Variants in MAN1B1 observed in about 807,000 individuals in gnomAD.
The protein encoded by MAN1B1 is endoplasmic reticulum mannosyl-oligosaccharide 1,2-alpha-mannosidase.
In MAN1B1, 66 loss-of-function variants were observed where a neutral mutation model predicts 75.5. The observed-to-expected ratio is 0.87, with a 90% CI of 0.72 to 1.07. MAN1B1 has a LOEUF of 1.07. Ranked by LOEUF, MAN1B1 falls within the 50% of genes least tolerant of loss-of-function variation. The probability of loss-of-function intolerance (pLI) is 0.00; values close to 1 mark genes in which losing one functional copy is unlikely to be tolerated. For synonymous variants in MAN1B1, 453 were observed against 382.8 expected (o/e 1.18, Z -2.14); for missense variants, 973 against 912.5 (o/e 1.07, Z -0.85).
At chr9:137,104,126 G>C in intron 8 of MAN1B1, 1 of 452,928 alleles carries the variant, frequency 2.2e-6, no homozygotes, top group Non-Finnish European at 4.5e-6. Flanking sequence ...ATCACACAGT[G>C]ACCCTTCATG....
chr9:137,105,448 T>C (rs1831060033), intron 8 of MAN1B1: 1 of 188,412 alleles, frequency 5.3e-6, no homozygotes, highest in Non-Finnish European at 1.1e-5. Context: ...GGCACCCCCA[T>C]GTCACCAGGG....
At position 137,107,652 on chromosome 9, in the gene MAN1B1, G is replaced by T; in HGVS notation, c.1886G>T (p.Arg629Leu). Residue 629 changes from arginine (R) to leucine (L), a missense_variant, in exon 12 of 13, where the codon CGA becomes CTA. Coordinates refer to ENST00000371589, the MANE Select transcript of MAN1B1 (RefSeq NM_016219.5). ...WGWEILQSFS[R>L]FTRVPSGGYS... The stretch of plus-strand genomic sequence containing the variant: ...TGGGAGATTCTGCAGAGCTTCAGCC[G>T]ATTCACACGGGTGAGCACCTGTCCT... The T allele has an allele frequency of 1.2e-6, 2 of 1,609,600 alleles. No individual in the cohort carries two copies. Among genetic ancestry groups the T allele is most frequent in the Non-Finnish European group, 1.7e-6 (2 of 1,179,942 alleles).
rs749052064 is a variant in MAN1B1 at position 137,101,502 on chromosome 9, C to T, written c.1084C>T (p.Leu362=). 6 of 1,613,770 alleles carry T rather than the reference C, an allele frequency of 3.7e-6. No individual in the cohort carries two copies. The highest frequency in any genetic ancestry group is 5.1e-6 in the Non-Finnish European group (6 of 1,180,042). The stretch of plus-strand genomic sequence containing the variant: ...ATACCAGGAGGATTTTGGAAATCGG[C>T]TAATGCCTGCCTTCAGAACACCATC... ...LRKAEDFGNR[L]MPAFRTPSKI... is the part of the protein sequence containing the mutation. Residue 362 remains leucine (L), a synonymous_variant, in exon 8 of 13, where the codon CTA becomes TTA. Coordinates refer to ENST00000371589, the MANE Select transcript of MAN1B1 (RefSeq NM_016219.5).
intron 8 of MAN1B1, chr9:137,104,845 G>A (rs2131117501): frequency 6.6e-6 from 1 of 151,874 alleles, no homozygotes; most frequent in South Asian, 2.1e-4. Context: ...TGTGAGTGTG[G>A]GTGCACACAC....
rs555486360 is a variant in MAN1B1 at position 137,106,916 on chromosome 9, G to T, written c.1566+107G>T. The T allele has an allele frequency of 4.0e-6, 6 of 1,482,370 alleles. No homozygotes were observed. In the Middle Eastern group the frequency reaches 8.1e-4, roughly 201 times the overall value. 91.8% of individuals were successfully genotyped at this position (1,482,370 alleles called of 1,614,324 possible). A position where few individuals can be genotyped will look rare whatever the true frequency, so the allele number is the denominator to read the frequency against. On this transcript the variant is annotated intron_variant, in intron 10 of 12. Coordinates refer to ENST00000371589, the MANE Select transcript of MAN1B1 (RefSeq NM_016219.5). ...ACGAAATCCTGGCCATGGCGCCCAC[G>T]TGGAGGCCCTGGGTGGACCGTGGCT...
Position 137,107,522 on chromosome 9 carries a change from C to T in MAN1B1, c.1765-9C>T, listed in dbSNP as rs977693376. On this transcript the variant is annotated splice_polypyrimidine_tract_variant and intron_variant, in intron 11 of 12. Coordinates refer to ENST00000371589, the MANE Select transcript of MAN1B1 (RefSeq NM_016219.5). ...GCTGGCCTTGCCCTGAGCTCTGCTC[C>T]GCCCACAGCCAGCAGACAGGCACAA... is the stretch of plus-strand genomic sequence containing the variant. The T allele has an allele frequency of 6.9e-5, 112 of 1,612,808 alleles. No homozygotes were observed. The highest frequency in any genetic ancestry group is 8.7e-5 in the Non-Finnish European group (103 of 1,179,974).
At chr9:137,092,043 G>C (rs1004284132) in intron 3 of MAN1B1, among the ~76,000 whole-genome samples, 1 of 152,188 alleles carries the variant, frequency 6.6e-6, no homozygotes. Flanking sequence ...CATTACCCCT[G>C]TTCCCAGTCC....
rs746999660 is a variant in MAN1B1, at chr9:137,107,418, C to A, written c.1735C>A (p.Gln579Lys). The change falls in exon 11 of 13, where the codon CAG becomes AAG. Residue 579 changes from glutamine to lysine, a missense_variant. Transcript: ENST00000371589. ...PEIVHFNLYP[Q>K]PGRRDVEVKP... ...GATCGTGCACTTCAACCTTTACCCC[C>A]AGCCGGGCCGTCGGGACGTGGAGGT... 17 of 1,613,392 alleles carry A rather than the reference C, an allele frequency of 1.1e-5. No homozygotes were observed. Among genetic ancestry groups the A allele is most frequent in the Non-Finnish European group, 1.3e-5 (15 of 1,180,022 alleles).
At chr9:137,100,006 T>C in intron 6 of MAN1B1, 125 bp downstream of exon 6, 4 of 1,152,528 alleles carry the variant, frequency 3.5e-6, no homozygotes, top group Non-Finnish European at 3.8e-6. Flanking sequence ...TCCCTTCTCC[T>C]GGGTGCGGGA....
intron 3 of MAN1B1, among the ~76,000 whole-genome samples, chr9:137,094,802 C>T (rs1830612928): frequency 6.6e-6 from 1 of 151,846 alleles, no homozygotes; most frequent in Admixed American, 6.6e-5. Context: ...ATCACTTGAA[C>T]CCAGGAGGCA....
At chr9:137,089,756 G>T (rs897298797) in intron 3 of MAN1B1, among the ~76,000 whole-genome samples, 1 of 152,156 alleles carries the variant, frequency 6.6e-6, no homozygotes, top group Non-Finnish European at 1.5e-5. Context: ...TGAGTGGGGG[G>T]AGGAGTGCTC....
chr9:137,099,675 G>T, intron 5 of MAN1B1, 21 bp from the exon 6 acceptor site: 1 of 1,613,836 alleles, frequency 6.2e-7, no homozygotes. Flanking sequence ...GCCATGGCCT[G>T]TGCTCTCTCC....
At position 137,107,271 on chromosome 9, in the gene MAN1B1, C is replaced by T; in HGVS notation, c.1588C>T (p.Pro530Ser). The change falls in exon 11 of 13, where the codon CCA becomes TCA. Residue 530 changes from proline to serine, a missense_variant. Coordinates refer to ENST00000371589, the MANE Select transcript of MAN1B1 (RefSeq NM_016219.5). ...AKMDHLVCFL[P>S]GTLALGVYHG... Reference sequence around the variant, plus strand: ...CCAGGACCACCTGGTGTGCTTCCTGCCAGGGACGCTGGCTCTGGGCGTCTA... The same window carrying T: ...CCAGGACCACCTGGTGTGCTTCCTGTCAGGGACGCTGGCTCTGGGCGTCTA... 9.3e-6 allele frequency: 15 copies of T among 1,612,998 alleles called. No individual in the cohort carries two copies. The highest frequency in any genetic ancestry group is 1.3e-5 in the Non-Finnish European group (15 of 1,179,962).
chr9:137,108,322 G>T, intron 12 of MAN1B1, 66 bp from the exon 13 acceptor site: 1 of 1,390,996 alleles, frequency 7.2e-7, no homozygotes, highest in African/African-American at 1.4e-5. Flanking sequence ...AGAGCGCTTC[G>T]GTGATGAGGC....
At chr9:137,096,106 G>T in intron 3 of MAN1B1, 131 bp from the exon 4 acceptor site, 1 of 974,190 alleles carries the variant, frequency 1.0e-6, no homozygotes, top group Non-Finnish European at 1.6e-6. Flanking sequence ...ATTGAAAAAC[G>T]AAAGTAATTT....
At chr9:137,088,423 C>G in intron 2 of MAN1B1, 1 of 1,558,734 alleles carries the variant, frequency 6.4e-7, no homozygotes, top group Non-Finnish European at 8.7e-7. Context: ...GTCCAGCCTC[C>G]CTTATAGAGT....
chr9:137,105,331 CCACACCATCCACGTGAGGCTCCCA>C lies in MAN1B1; in HGVS notation c.1255-790_1255-767del, dbSNP rs546767887. On this transcript the variant is annotated intron_variant, in intron 8 of 12. Transcript: ENST00000371589. Reference sequence around the variant, plus strand: ...GACCACTTGTGGTGAGAAGTGCAGCCCACACCATCCACGTGAGGCTCCCACACGCCATCCACGTGAGGCTCCCAT... The same window carrying C: ...GACCACTTGTGGTGAGAAGTGCAGCCCACGCCATCCACGTGAGGCTCCCAT... 8.5e-3 allele frequency: 1,354 copies of C among 159,634 alleles called. 9 individuals carry two copies. Among genetic ancestry groups the C allele is most frequent in the Non-Finnish European group, 0.014 (1,044 of 74,842 alleles). The allele number at this position is 159,634 out of a possible 1,614,324, so 9.9% of individuals were successfully genotyped here.
At position 137,099,773 on chromosome 9, in the gene MAN1B1, G is replaced by A. The variant is rs751214461; in HGVS notation, c.808G>A (p.Gly270Ser). 3.1e-6 allele frequency: 5 copies of A among 1,614,108 alleles called. No homozygotes were observed. In the African/African-American group the frequency reaches 4.0e-5, roughly 13 times the overall value. ...AWKGYRKFAW[G>S]HDELKPVSRS... ...GAAAGGATACCGCAAGTTTGCATGG[G>A]GCCATGACGAGCTGAAGCCTGTGTC... Residue 270 changes from glycine to serine, a missense_variant, in exon 6 of 13, where the codon GGC becomes AGC. By Grantham distance (56) the Gly-to-Ser change is moderately conservative (BLOSUM62 0). Transcript: ENST00000371589.
At chr9:137,106,372 C>A (rs1161191536) in intron 9 of MAN1B1, 57 bp downstream of exon 9, 137 of 1,461,782 alleles carry the variant, frequency 9.4e-5, no homozygotes, top group Non-Finnish European at 1.2e-4. Flanking sequence ...CGCAGCCCCC[C>A]ACTCCTGCTG....
Sources: allele counts gnomAD v4.1 joint callset (sites outside exome capture counted in the v4.1 genomes callset), GRCh38; gene constraint gnomAD v4.1.1; transcripts MANE v1.5; gene names NCBI Gene and HGNC (gene_info 2026-07-23, HGNC 2026-07-21).